Variants in ISOC1 observed in about 807,000 individuals in gnomAD.
ISOC1 encodes isochorismatase domain containing 1, also known as isochorismatase domain-containing protein 1.
Under a neutral mutation model 30.0 loss-of-function variants are expected in ISOC1, and 33 were observed. The observed-to-expected ratio is 1.10, with a 90% CI of 0.83 to 1.47. The LOEUF (loss-of-function observed/expected upper bound fraction) is 1.47, where lower values mean the gene tolerates loss of function less well. ISOC1 is among the 40% of genes most tolerant of loss of function. The probability of loss-of-function intolerance (pLI) is 0.00; values close to 1 mark genes in which losing one functional copy is unlikely to be tolerated. For synonymous variants in ISOC1, 178 were observed against 159.8 expected (o/e 1.11, Z -0.86); for missense variants, 372 against 388.0 (o/e 0.96, Z 0.35).
chr5:129,095,910 G>T (rs1389514025), intron 1 of ISOC1, among the ~76,000 whole-genome samples: 2 of 152,172 alleles, frequency 1.3e-5, no homozygotes, highest in African/African-American at 4.8e-5. Flanking sequence ...TTTTGGAAAG[G>T]AAAGAATATA....
chr5:129,098,052 TGGAGCCTCTGTGGCCCTGG>T (rs1467272425), intron 1 of ISOC1, among the ~76,000 whole-genome samples: 53 of 152,164 alleles, frequency 3.5e-4, no homozygotes, highest in Admixed American at 3.5e-3. Context: ...ACTTGGGCCC[TGGAGCCTCTGTGGCCCTGG>T]CTCACGTACT....
Position 129,105,225 on chromosome 5 carries a change from C to T in ISOC1, c.470C>T (p.Thr157Ile). The change falls in exon 3 of 5, where the codon ACA becomes ATA. Residue 157 changes from threonine to isoleucine, a missense_variant. Coordinates refer to ENST00000173527, the MANE Select transcript of ISOC1 (RefSeq NM_016048.2). The stretch of plus-strand genomic sequence containing the variant: ...ATTTTAGGAATTCCTGTTATTGTAA[C>T]AGAACAATACCCTAAAGGTCTTGGG... ...ARILGIPVIV[T>I]EQYPKGLGST... The T allele has an allele frequency of 6.2e-7, 1 of 1,613,528 alleles. No individual in the cohort carries two copies.
chr5:129,104,835 C>T (rs545626435), intron 1 of ISOC1, 121 bp from the exon 2 acceptor site: 31 of 862,208 alleles, frequency 3.6e-5, no homozygotes, highest in East Asian at 1.3e-4. Flanking sequence ...TGGATAATAG[C>T]GGTAGAAATT....
chr5:129,113,152 C>T lies in ISOC1; in HGVS notation c.*151C>T, dbSNP rs181375321. ...GCGCCTCCTAGTGAAACTTAACCAG[C>T]TAGACCATTTGAGTACCAGCATTTA... is the stretch of plus-strand genomic sequence containing the variant. On this transcript the variant is annotated 3_prime_UTR_variant, in exon 5 of 5. Transcript: ENST00000173527. 2 of 601,672 alleles carry T rather than the reference C, an allele frequency of 3.3e-6. No individual in the cohort carries two copies. The highest frequency in any genetic ancestry group is 5.5e-6 in the Non-Finnish European group (2 of 363,870). The allele number at this position is 601,672 out of a possible 1,614,324, so 37.3% of individuals were successfully genotyped here.
intron 1 of ISOC1, among the ~76,000 whole-genome samples, chr5:129,096,094 G>T (rs1031531394): frequency 6.6e-6 from 1 of 152,044 alleles, no homozygotes; most frequent in African/African-American, 2.4e-5. Flanking sequence ...CATAATAGTT[G>T]TACATATTTA....
chr5:129,103,263 C>T (rs1279007005), intron 1 of ISOC1, among the ~76,000 whole-genome samples: 2 of 152,124 alleles, frequency 1.3e-5, no homozygotes, highest in East Asian at 3.8e-4. Flanking sequence ...CAAAAATTAG[C>T]CTTCCCAGCA....
At chr5:129,095,767 C>T (rs1753492559) in intron 1 of ISOC1, among the ~76,000 whole-genome samples, 1 of 152,186 alleles carries the variant, frequency 6.6e-6, no homozygotes, top group Admixed American at 6.5e-5. Flanking sequence ...CCTTGAGTTC[C>T]TGGGCCTGCT....
chr5:129,106,444 T>C, intron 3 of ISOC1, among the ~76,000 whole-genome samples: 1 of 152,178 alleles, frequency 6.6e-6, no homozygotes. Context: ...GAACTGGGTA[T>C]TTTTTTCCCG....
At chr5:129,096,479 C>G (rs1348403297) in intron 1 of ISOC1, among the ~76,000 whole-genome samples, 1 of 152,190 alleles carries the variant, frequency 6.6e-6, no homozygotes, top group African/African-American at 2.4e-5. Context: ...AGGACAAAGT[C>G]AGAGACTGCA....
At chr5:129,111,398 TC>T (rs1430340923) in intron 4 of ISOC1, among the ~76,000 whole-genome samples, 17 of 152,278 alleles carry the variant, frequency 1.1e-4, no homozygotes, top group Non-Finnish European at 2.4e-4. Context: ...TGGCTTATAC[TC>T]CCTTATACTT....
rs1312551473 is a variant in ISOC1 at position 129,094,782 on chromosome 5, C to G, written c.16C>G (p.Pro6Ala). 1.3e-6 allele frequency: 2 copies of G among 1,506,654 alleles called. No homozygotes were observed. Among genetic ancestry groups the G allele is most frequent in the East Asian group, 2.7e-5 (1 of 37,164 alleles). 93.3% of individuals were successfully genotyped at this position (1,506,654 alleles called of 1,614,324 possible). Residue 6 changes from proline to alanine, a missense_variant, in exon 1 of 5, where the codon CCG becomes GCG. Transcript: ENST00000173527. ...TCGGGGGAACATGGCGGCTGCGGAG[C>G]CGGCGGTCCTTGCGCTCCCCAACAG... MAAAE[P>A]AVLALPNSGA...
chr5:129,102,598 C>T (rs1334415001), intron 1 of ISOC1, among the ~76,000 whole-genome samples: 1 of 152,178 alleles, frequency 6.6e-6, no homozygotes, highest in African/African-American at 2.4e-5. Flanking sequence ...TAATGTAGTC[C>T]TTCTGAAATA....
At position 129,105,108 on chromosome 5, in the gene ISOC1, T is replaced by C; in HGVS notation, c.429+33T>C. On this transcript the variant is annotated intron_variant, in intron 2 of 4. Transcript: ENST00000173527. ...TGTTTACTTATTTGGTCATATTTGC[T>C]GAATCATCATATACACTCATATATA... 3 of 1,613,644 alleles carry C rather than the reference T, an allele frequency of 1.9e-6. No homozygotes were observed. The South Asian group carries it at 3.3e-5, about 18-fold the overall frequency.
rs1323246175 is a variant in ISOC1, at chr5:129,094,906, A to G, written c.140A>G (p.Tyr47Cys). The G allele has an allele frequency of 1.9e-6, 3 of 1,611,504 alleles. No homozygotes were observed. The highest frequency in any genetic ancestry group is 2.5e-6 in the Non-Finnish European group (3 of 1,179,622). ...TCGTCGGTGCCACACGGGGCGGGCT[A>G]CGAGCTGCTCATCCAGAAGTTCCTC... ...RPSSVPHGAG[Y>C]ELLIQKFLSL... Residue 47 changes from tyrosine (Y) to cysteine (C), a missense_variant, in exon 1 of 5, where the codon TAC becomes TGC. Coordinates refer to ENST00000173527, the MANE Select transcript of ISOC1 (RefSeq NM_016048.2).
chr5:129,104,570 T>G (rs944537095), intron 1 of ISOC1, among the ~76,000 whole-genome samples: 5 of 152,168 alleles, frequency 3.3e-5, no homozygotes, highest in African/African-American at 1.2e-4. Context: ...TATTTTTACA[T>G]TATTGAAATA....
intron 1 of ISOC1, among the ~76,000 whole-genome samples, chr5:129,104,656 T>C (rs1279634903): frequency 6.6e-6 from 1 of 152,152 alleles, no homozygotes; most frequent in African/African-American, 2.4e-5. Flanking sequence ...TGAAGACATA[T>C]ACATATGTTT....
intron 4 of ISOC1, among the ~76,000 whole-genome samples, chr5:129,111,051 C>T (rs1372619128): frequency 6.6e-6 from 1 of 152,096 alleles, no homozygotes; most frequent in Non-Finnish European, 1.5e-5. Context: ...TGCAGCTTAT[C>T]ATATTTATTA....
At chr5:129,108,026 A>G (rs1450082944) in intron 4 of ISOC1, among the ~76,000 whole-genome samples, 1 of 152,098 alleles carries the variant, frequency 6.6e-6, no homozygotes, top group Non-Finnish European at 1.5e-5. Context: ...CTAATTTTGT[A>G]ATAATTTTAG....
At chr5:129,095,994 A>G (rs967058962) in intron 1 of ISOC1, among the ~76,000 whole-genome samples, 3 of 152,218 alleles carry the variant, frequency 2.0e-5, no homozygotes, top group African/African-American at 7.2e-5. Flanking sequence ...TTTTCAGAAG[A>G]CCAAACTGAA....
Sources: allele counts gnomAD v4.1 joint callset (sites outside exome capture counted in the v4.1 genomes callset), GRCh38; gene constraint gnomAD v4.1.1; transcripts MANE v1.5; gene names NCBI Gene and HGNC (gene_info 2026-07-23, HGNC 2026-07-21).